VSIG1: variants seen among roughly 807,000 people sequenced by gnomAD.
VSIG1 encodes V-set and immunoglobulin domain containing 1.
Under a neutral mutation model 20.1 loss-of-function variants are expected in VSIG1, and 11 were observed. The ratio of observed to expected loss-of-function variants is 0.55; its 90% CI spans 0.34 to 0.91. The LOEUF is 0.91. Ranked by LOEUF, VSIG1 falls within the 40% of genes least tolerant of loss-of-function variation. VSIG1 has a pLI of 0.02. For synonymous variants in VSIG1, 126 were observed against 116.7 expected, an observed-to-expected ratio of 1.08 and a Z score of -0.52; for missense variants, 283 against 298.8, an observed-to-expected ratio of 0.95 and a Z score of 0.39.
intron 2 of VSIG1, among the ~76,000 whole-genome samples, chrX:108,066,019 A>C (rs375595052): frequency 9.0e-6 from 1 of 111,429 alleles, no homozygotes; most frequent in East Asian, 2.8e-4. Flanking sequence ...TGACTAACTC[A>C]AGCCACCTGA....
the VSIG1 span, among the ~76,000 whole-genome samples, chrX:108,035,185 G>C: frequency 9.0e-6 from 1 of 111,015 alleles, no homozygotes; most frequent in South Asian, 3.8e-4. Context: ...TGAAACCTCC[G>C]CTTCCTGGGT....
chrX:108,067,574 A>G (rs2031158104), intron 3 of VSIG1, among the ~76,000 whole-genome samples: 1 of 112,573 alleles, frequency 8.9e-6, no homozygotes, highest in African/African-American at 3.2e-5. Context: ...TCTTTTAAAT[A>G]AAGACAGGAG....
the VSIG1 span, among the ~76,000 whole-genome samples, chrX:108,022,632 A>G: frequency 2.7e-5 from 3 of 112,323 alleles, no homozygotes; most frequent in East Asian, 8.3e-4. Context: ...CTGATCTTGC[A>G]GGAAATGATT....
In VSIG1 at chrX:108,066,975, C is replaced by A; in HGVS notation, c.253C>A (p.Gln85Lys). The part of the protein sequence containing the change: ...SQGGQAVAIG[Q>K]FKDRITGSND... ...AGGTGGACAAGCTGTAGCCATCGGG[C>A]AATTTAAAGATCGAATTACAGGGTC... The change falls in exon 3 of 7, where the codon CAA becomes AAA. Residue 85 changes from glutamine (Q) to lysine (K), a missense_variant. By Grantham distance (53) the Gln-to-Lys change is moderately conservative. Coordinates refer to ENST00000217957, the MANE Select transcript of VSIG1 (RefSeq NM_182607.5). 2 of 1,211,190 alleles carry A rather than the reference C, an allele frequency of 1.7e-6. No individual in the cohort carries two copies.
chrX:108,063,923 C>T (rs762236099), intron 2 of VSIG1, among the ~76,000 whole-genome samples: 2 of 111,775 alleles, frequency 1.8e-5, no homozygotes, highest in Non-Finnish European at 3.8e-5. Flanking sequence ...ATTGTACATC[C>T]GGGGCTTTTT....
chrX:108,050,109 T>A, intron 1 of VSIG1, among the ~76,000 whole-genome samples: 1 of 112,713 alleles, frequency 8.9e-6, no homozygotes, highest in Non-Finnish European at 1.9e-5. Context: ...GTGACCTGGC[T>A]GTGACAGAGA....
At chrX:108,035,774 C>T in the VSIG1 span, among the ~76,000 whole-genome samples, 2 of 109,928 alleles carry the variant, frequency 1.8e-5, no homozygotes, top group African/African-American at 6.6e-5. Context: ...CCAGCAAGAG[C>T]GTGACCCTGG....
chrX:108,059,666 G>T (rs779177103), intron 2 of VSIG1, among the ~76,000 whole-genome samples: 58 of 112,267 alleles, frequency 5.2e-4, no homozygotes, highest in Non-Finnish European at 9.0e-4. Context: ...GGCCTTGTAT[G>T]TAGGAGTCAA....
the VSIG1 span, among the ~76,000 whole-genome samples, chrX:108,039,093 A>G: frequency 4.5e-5 from 5 of 111,662 alleles, no homozygotes; most frequent in African/African-American, 1.3e-4. Context: ...TTAGGGGCTT[A>G]TAATTGCCCC....
chrX:108,065,449 T>G (rs772677320), intron 2 of VSIG1, among the ~76,000 whole-genome samples: 2 of 112,066 alleles, frequency 1.8e-5, no homozygotes, highest in South Asian at 7.5e-4. Flanking sequence ...CTCACCAGAC[T>G]AAGACAATAC....
upstream of VSIG1, among the ~76,000 whole-genome samples, chrX:108,042,403 G>A (rs985380060): frequency 9.0e-6 from 1 of 111,691 alleles, no homozygotes; most frequent in Non-Finnish European, 1.9e-5. Flanking sequence ...ATCCCCTGTG[G>A]GTAGGTAACC....
upstream of VSIG1, among the ~76,000 whole-genome samples, chrX:108,043,004 T>C (rs1378721498): frequency 9.0e-6 from 1 of 110,686 alleles, no homozygotes; most frequent in Non-Finnish European, 1.9e-5. Context: ...GAAAAAGTAA[T>C]TTTGGAGCAT....
intron 1 of VSIG1, among the ~76,000 whole-genome samples, chrX:108,046,146 T>G (rs2030571917): frequency 8.9e-6 from 1 of 111,853 alleles, no homozygotes; most frequent in Non-Finnish European, 1.9e-5. Flanking sequence ...TCCTGGGTTT[T>G]CTACGAAGAA....
chrX:108,072,563 T>C (rs2031270295), intron 3 of VSIG1, 114 bp from the exon 4 acceptor site: 2 of 849,696 alleles, frequency 2.4e-6, no homozygotes, highest in Admixed American at 3.1e-5. Flanking sequence ...AAGAATTTTT[T>C]TTAAAAATAA....
intron 1 of VSIG1, among the ~76,000 whole-genome samples, chrX:108,056,760 C>T (rs911976256): frequency 1.8e-5 from 2 of 112,412 alleles, no homozygotes; most frequent in East Asian, 2.8e-4. Context: ...TGCAGGAAAA[C>T]GGAATCCTTT....
intron 1 of VSIG1, among the ~76,000 whole-genome samples, chrX:108,054,679 G>A (rs1215000227): frequency 9.0e-6 from 1 of 110,536 alleles, no homozygotes; most frequent in Non-Finnish European, 1.9e-5. Context: ...ATCTAAACAC[G>A]TGGAAATTAA....
At chrX:108,045,039 C>G, upstream of VSIG1, 1 of 792,117 alleles carries the variant, frequency 1.3e-6, no homozygotes. Flanking sequence ...ATAAGCCAGG[C>G]AAACCTCGGT....
At chrX:108,071,892 C>CA (rs1203449181) in intron 3 of VSIG1, among the ~76,000 whole-genome samples, 2,731 of 36,286 alleles carry the variant, frequency 0.075, 55 homozygotes, top group Middle Eastern at 0.12. Context: ...TGAACAAATG[C>CA]AAAAAAAAAA....
intron 1 of VSIG1, among the ~76,000 whole-genome samples, chrX:108,047,923 T>TATATATATATATACAC (rs2030660732): frequency 5.7e-5 from 1 of 17,627 alleles, no homozygotes; most frequent in Non-Finnish European, 9.7e-5. Flanking sequence ...TATATACACA[T>TATATATATATATACAC]ATATATATAT....
Sources: gnomAD v4.1 joint callset for allele counts (sites outside exome capture counted in the v4.1 genomes callset) on GRCh38, gnomAD v4.1.1 for gene constraint, MANE v1.5 for transcripts, NCBI Gene and HGNC (gene_info 2026-07-23, HGNC 2026-07-21) for gene names.